The following MYO15B variants were observed in gnomAD, a reference collection of about 807,000 sequenced individuals.
The protein encoded by MYO15B is myosin XVB.
Under a neutral mutation model 119.3 loss-of-function variants are expected in MYO15B, and 207 were observed. The observed-to-expected ratio is 1.73, with a 90% CI of 1.55 to 1.95. The LOEUF is 1.95. Among genes scored for constraint, MYO15B ranks in the 30% most tolerant of loss-of-function variants. The pLI, the probability that MYO15B is intolerant of heterozygous loss-of-function variation, is 0.00. For missense variants in MYO15B, 2,264 were observed against 1,203.1 expected, an observed-to-expected ratio of 1.88 and a Z score of -13.04; for synonymous variants, 966 against 498.9, an observed-to-expected ratio of 1.94 and a Z score of -12.48.
chr17:75,617,003 C>A, intron 40 of MYO15B, 42 bp downstream of exon 40: 1 of 701,280 alleles, frequency 1.4e-6, no homozygotes, highest in Non-Finnish European at 2.6e-6. Flanking sequence ...TGTGCTGCTG[C>A]ACTGGGGAGC....
intron 60 of MYO15B, 43 bp from the exon 61 acceptor site, chr17:75,625,482 TAC>T: frequency 1.4e-6 from 1 of 702,310 alleles, no homozygotes; most frequent in East Asian, 2.7e-5. Context: ...CCCAGCCCTG[TAC>T]CAGGTGGTCA....
chr17:75,594,208 GT>G (rs1378164096), intron 9 of MYO15B, among the ~76,000 whole-genome samples: 1 of 150,498 alleles, frequency 6.6e-6, no homozygotes, highest in Non-Finnish European at 1.5e-5. Flanking sequence ...CCTAGGAAGG[GT>G]TACTGCTTCC....
intron 21 of MYO15B, among the ~76,000 whole-genome samples, chr17:75,608,066 T>C (rs1345580683): frequency 6.6e-6 from 1 of 152,164 alleles, no homozygotes; most frequent in Non-Finnish European, 1.5e-5. Flanking sequence ...CAGACATTAG[T>C]GCCACTCCTT....
intron 15 of MYO15B, chr17:75,602,194 AGAAAGCTAG>A: frequency 2.4e-6 from 1 of 420,514 alleles, no homozygotes. Context: ...AAGGAGTTCA[AGAAAGCTAG>A]GAAAATGTAA....
intron 53 of MYO15B, among the ~76,000 whole-genome samples, 192 bp downstream of exon 53, chr17:75,622,272 T>C (rs541971819): frequency 6.6e-5 from 10 of 152,346 alleles, no homozygotes; most frequent in South Asian, 2.1e-4. Context: ...AGATAACTTA[T>C]GTGTCTGGGA....
chr17:75,624,240 C>T, exon 56 of MYO15B: 3 of 702,922 alleles, frequency 4.3e-6, no homozygotes, highest in Non-Finnish European at 7.8e-6. Context: ...CCGGCGGATG[C>T]CCCCACCGGG....
chr17:75,615,576 T>C, exon 35 of MYO15B: 2 of 701,500 alleles, frequency 2.9e-6, no homozygotes, highest in African/African-American at 1.7e-5. Flanking sequence ...AGCAGAACTT[T>C]ATCCAGCAGC....
exon 54 of MYO15B, chr17:75,623,819 C>T: frequency 1.4e-6 from 1 of 702,950 alleles, no homozygotes; most frequent in South Asian, 1.5e-5. Context: ...AGATTTACTG[C>T]CAGGTTATCA....
chr17:75,605,449 AAAAGTGT>A, intron 19 of MYO15B, 48 bp from the exon 20 acceptor site: 1 of 656,554 alleles, frequency 1.5e-6, no homozygotes, highest in African/African-American at 1.8e-5. Flanking sequence ...AAAAAAAAAA[AAAAGTGT>A]AAAAGGAGGT....
At chr17:75,620,429 G>A in intron 48 of MYO15B, 38 bp from the exon 49 acceptor site, 1 of 702,592 alleles carries the variant, frequency 1.4e-6, no homozygotes, top group Non-Finnish European at 2.6e-6. Context: ...GGGGGCAGAG[G>A]GTCCAGTGGG....
chr17:75,589,158 C>T lies in MYO15B; in HGVS notation c.1101C>T (p.Leu367=), dbSNP rs2056249543. 5.1e-6 allele frequency: 2 copies of T among 392,462 alleles called. No individual in the cohort carries two copies. The highest frequency in any genetic ancestry group is 9.0e-6 in the Non-Finnish European group (2 of 222,160). 24.3% of individuals were successfully genotyped at this position (392,462 alleles called of 1,614,324 possible). ...GCCGCGCTGGCCTCAAGGAGCGGCT[C>T]CTGAGTGTAGCGCGAGCCCTGGGCC... The change falls in exon 1 of 64, where the codon CTC becomes CTT. Residue 367 remains leucine, a synonymous_variant. Coordinates refer to ENST00000645453, the Ensembl canonical transcript of MYO15B. This position sits in a 1 kb window ranked among gnomAD's most constrained non-coding sequence, Gnocchi z 4.2.
chr17:75,601,409 G>C, intron 14 of MYO15B, 29 bp from the exon 15 acceptor site: 1 of 702,402 alleles, frequency 1.4e-6, no homozygotes, highest in Non-Finnish European at 2.6e-6. Flanking sequence ...GTGCAGAGGC[G>C]TGAAGGGAGC....
chr17:75,626,606 G>A (rs765371871), exon 64 of MYO15B: 9 of 648,844 alleles, frequency 1.4e-5, no homozygotes, highest in African/African-American at 1.8e-5. Flanking sequence ...CAGCCCAGCC[G>A]GCCCACATGC....
chr17:75,625,387 T>C, intron 60 of MYO15B, 140 bp from the exon 61 acceptor site: 1 of 646,792 alleles, frequency 1.5e-6, no homozygotes, highest in Non-Finnish European at 2.8e-6. Context: ...CGAGCTCCTC[T>C]GGTGCAGGAC....
At chr17:75,592,576 T>G (rs898917887) in intron 8 of MYO15B, 35 bp downstream of exon 8, 5 of 617,634 alleles carry the variant, frequency 8.1e-6, no homozygotes, top group African/African-American at 3.7e-5. Context: ...CGGGGAGGCC[T>G]GCCCAGAGGA....
chr17:75,592,904 A>G, intron 9 of MYO15B, 64 bp downstream of exon 9: 2 of 664,878 alleles, frequency 3.0e-6, no homozygotes, highest in African/African-American at 1.8e-5. Flanking sequence ...GGCAGTGGTA[A>G]TGACGCCAAA....
intron 33 of MYO15B, 49 bp from the exon 34 acceptor site, chr17:75,615,191 T>A (rs756935059): frequency 2.9e-6 from 2 of 686,668 alleles, no homozygotes; most frequent in African/African-American, 3.5e-5. Context: ...TGGAGGGAGG[T>A]GGCATGTGGG....
intron 12 of MYO15B, among the ~76,000 whole-genome samples, chr17:75,595,751 C>T (rs2056816428): frequency 6.6e-6 from 1 of 152,230 alleles, no homozygotes; most frequent in Admixed American, 6.5e-5. Context: ...GCCCCACTTC[C>T]CCCACGTCAG....
At position 75,623,872 on chromosome 17, in the gene MYO15B, GCTTCT is replaced by G. The variant is rs758556904; in HGVS notation, c.8156+19_8156+23del. On this transcript the variant is annotated intron_variant, in intron 54 of 63. Transcript: ENST00000645453. ...CCCCGGCCGTGAGTGGGGACCGGTG[GCTTCT>G]GGGGGTGGCTTCTGGGGGCAGCTGG... 0.98 allele frequency: 691,004 copies of G among 702,784 alleles called. 340,036 individuals carry two copies. The highest frequency in any genetic ancestry group is 1 in the East Asian group (37,264 of 37,264). 43.5% of individuals were successfully genotyped at this position (702,784 alleles called of 1,614,324 possible). A position where few individuals can be genotyped will look rare whatever the true frequency, so the allele number is the denominator to read the frequency against.
Sources: gnomAD v4.1 joint callset for allele counts (sites outside exome capture counted in the v4.1 genomes callset) on GRCh38, gnomAD v4.1.1 for gene constraint, Gnocchi (gnomAD v3.1) non-coding constraint, MANE v1.5 for transcripts, NCBI Gene and HGNC (gene_info 2026-07-23, HGNC 2026-07-21) for gene names.